LRRTM4: variants seen among roughly 807,000 people sequenced by gnomAD.
LRRTM4 encodes the protein leucine rich repeat transmembrane neuronal 4.
Under a neutral mutation model 47.6 loss-of-function variants are expected in LRRTM4, and 25 were observed. That is an observed-to-expected ratio of 0.53 (90% CI 0.38 to 0.73). LRRTM4 has a LOEUF of 0.73. LRRTM4 is among the 30% of genes least tolerant of loss of function. LRRTM4 has a pLI of 0.00. For missense variants in LRRTM4, 638 were observed against 713.4 expected (o/e 0.89, Z 1.20); for synonymous variants, 311 against 269.5 (o/e 1.15, Z -1.51).
chr2:76,939,725 G>A, intron 3 of LRRTM4, among the ~76,000 whole-genome samples: 1 of 151,938 alleles, frequency 6.6e-6, no homozygotes, highest in Non-Finnish European at 1.5e-5. Flanking sequence ...ATTTATGTTA[G>A]TCCTACATGC....
At chr2:76,832,245 G>A (rs907075480) in intron 3 of LRRTM4, among the ~76,000 whole-genome samples, 2 of 151,968 alleles carry the variant, frequency 1.3e-5, no homozygotes. Flanking sequence ...GAAGTTTGTC[G>A]TAGGCTTCTT....
At chr2:76,979,995 G>A (rs1464343194) in intron 3 of LRRTM4, among the ~76,000 whole-genome samples, 2 of 152,020 alleles carry the variant, frequency 1.3e-5, no homozygotes, top group Non-Finnish European at 2.9e-5. Flanking sequence ...GTCGCTGGCA[G>A]GGCTGAGGGG....
chr2:76,983,839 A>C (rs1045940224), intron 3 of LRRTM4, among the ~76,000 whole-genome samples: 2 of 152,078 alleles, frequency 1.3e-5, no homozygotes, highest in Admixed American at 6.6e-5. Flanking sequence ...TTGCCTTCAC[A>C]ATGACAAAGT....
At chr2:76,910,901 T>C (rs1476400543) in intron 3 of LRRTM4, among the ~76,000 whole-genome samples, 2 of 152,216 alleles carry the variant, frequency 1.3e-5, no homozygotes, top group Non-Finnish European at 2.9e-5. Context: ...TAAATAGCAG[T>C]AGAAAAGATG....
At chr2:76,937,782 G>C (rs990386484) in intron 3 of LRRTM4, among the ~76,000 whole-genome samples, 1 of 152,056 alleles carries the variant, frequency 6.6e-6, no homozygotes, top group African/African-American at 2.4e-5. Context: ...TTGCTAGGAT[G>C]GTCTCGATCT....
chr2:77,328,017 C>T (rs1670840959), intron 3 of LRRTM4, among the ~76,000 whole-genome samples: 2 of 152,106 alleles, frequency 1.3e-5, no homozygotes, highest in African/African-American at 2.4e-5. Context: ...TTTGTCATTT[C>T]ACAGATTTAC....
In LRRTM4 at chr2:77,105,985, A is replaced by C. The variant is rs149140812; in HGVS notation, c.1552-357069T>G. 5.9e-3 allele frequency among the ~76,000 whole-genome samples: 894 copies of C among 152,252 alleles called. 6 individuals are homozygous for C. Among genetic ancestry groups the C allele is most frequent in the Middle Eastern group, 0.037 (11 of 294 alleles). On this transcript the variant is annotated intron_variant, in intron 3 of 3. Coordinates refer to ENST00000409884, the MANE Select transcript of LRRTM4 (RefSeq NM_001134745.3). ...TTTCTCCATGAAATTCACCATCTCC[A>C]ACTACACTCACCTTCTTCCTATTCC... is the stretch of plus-strand genomic sequence containing the variant.
intron 3 of LRRTM4, among the ~76,000 whole-genome samples, chr2:77,008,225 A>G (rs2104053472): frequency 6.6e-6 from 1 of 152,298 alleles, no homozygotes; most frequent in South Asian, 2.1e-4. Flanking sequence ...AAGTCCCAAT[A>G]ACTAAAGGAA....
chr2:77,481,539 C>G (rs756373103), intron 3 of LRRTM4, among the ~76,000 whole-genome samples: 33 of 152,062 alleles, frequency 2.2e-4, no homozygotes, highest in Middle Eastern at 3.2e-3. Context: ...GGTTCTCTAA[C>G]TTTTGGAGTC....
In LRRTM4 at chr2:76,952,474, C is replaced by A. The variant is rs1339309913; in HGVS notation, c.1552-203558G>T. On this transcript the variant is annotated intron_variant, in intron 3 of 3. Coordinates refer to ENST00000409884, the MANE Select transcript of LRRTM4 (RefSeq NM_001134745.3). Reference sequence around the variant, plus strand: ...CTCTAATCATCAGAGAAAGGCAAGTCACAACCACAGTAAGATACCATCTCA... The same window carrying A: ...CTCTAATCATCAGAGAAAGGCAAGTAACAACCACAGTAAGATACCATCTCA... Among the ~76,000 whole-genome samples the A allele has an allele frequency of 2.6e-5, 4 of 152,022 alleles. No homozygotes were observed. In the East Asian group the frequency reaches 5.8e-4, roughly 22 times the overall value.
chr2:77,249,350 C>A (rs1675539655), intron 3 of LRRTM4, among the ~76,000 whole-genome samples: 1 of 151,460 alleles, frequency 6.6e-6, no homozygotes, highest in Admixed American at 6.6e-5. Flanking sequence ...AACTCCATCT[C>A]AAAAAAATAA....
intron 3 of LRRTM4, among the ~76,000 whole-genome samples, chr2:77,410,704 C>T (rs999624943): frequency 2.0e-5 from 3 of 152,098 alleles, no homozygotes; most frequent in African/African-American, 7.2e-5. Flanking sequence ...CTCATTCCAT[C>T]ATGATTATAA....
chr2:77,401,102 A>T (rs1673933870), intron 3 of LRRTM4, among the ~76,000 whole-genome samples: 1 of 151,864 alleles, frequency 6.6e-6, no homozygotes, highest in Non-Finnish European at 1.5e-5. Context: ...ATTTATAGAA[A>T]AATATTGCTG....
chr2:76,911,317 A>G (rs892604434), intron 3 of LRRTM4, among the ~76,000 whole-genome samples: 6 of 152,156 alleles, frequency 3.9e-5, no homozygotes, highest in Non-Finnish European at 7.4e-5. Context: ...GACTTTCACA[A>G]TTATTTCTTT....
chr2:76,925,958 A>G (rs1263776696), intron 3 of LRRTM4, among the ~76,000 whole-genome samples: 1 of 152,158 alleles, frequency 6.6e-6, no homozygotes, highest in Non-Finnish European at 1.5e-5. Context: ...TTCCTCTTTT[A>G]AAAGTAATAT....
chr2:77,317,364 C>T (rs1677648567), intron 3 of LRRTM4, among the ~76,000 whole-genome samples: 1 of 152,042 alleles, frequency 6.6e-6, no homozygotes, highest in Non-Finnish European at 1.5e-5. Context: ...GCCATTTTAT[C>T]TCTATCAGGA....
At chr2:77,266,775 C>T (rs1212242613) in intron 3 of LRRTM4, among the ~76,000 whole-genome samples, 1 of 152,088 alleles carries the variant, frequency 6.6e-6, no homozygotes, top group African/African-American at 2.4e-5. Context: ...GACTGCAGGA[C>T]TTCAGGCACA....
chr2:77,218,518 A>G (rs975460842), intron 3 of LRRTM4, among the ~76,000 whole-genome samples: 3 of 150,832 alleles, frequency 2.0e-5, no homozygotes, highest in Non-Finnish European at 4.4e-5. Flanking sequence ...TTATTTATTT[A>G]TTTATTTATT....
At chr2:76,815,179 G>C (rs1558672482) in intron 3 of LRRTM4, among the ~76,000 whole-genome samples, 1 of 152,112 alleles carries the variant, frequency 6.6e-6, no homozygotes, top group South Asian at 2.1e-4. Context: ...GAATGAGTCA[G>C]TGACTCTTCA....
Sources: gnomAD v4.1 joint callset for allele counts (sites outside exome capture counted in the v4.1 genomes callset) on GRCh38, gnomAD v4.1.1 for gene constraint, MANE v1.5 for transcripts, NCBI Gene and HGNC (gene_info 2026-07-23, HGNC 2026-07-21) for gene names.